The following GALNT2 variants were observed in gnomAD, a reference collection of about 807,000 sequenced individuals.
The protein encoded by GALNT2 is polypeptide N-acetylgalactosaminyltransferase 2.
A neutral mutation model predicts 81.4 loss-of-function variants in GALNT2; 31 were observed. That is an observed-to-expected ratio of 0.38 (90% CI 0.29 to 0.51). The LOEUF is 0.51. Ranked by LOEUF, GALNT2 falls within the 20% of genes least tolerant of loss-of-function variation. The pLI is 0.87. For synonymous variants in GALNT2, 303 were observed against 287.4 expected (o/e 1.05, Z -0.55); for missense variants, 629 against 765.7 (o/e 0.82, Z 2.11).
At chr1:230,278,466 A>G (rs140831564) in intron 15 of GALNT2, among the ~76,000 whole-genome samples, 1 of 152,090 alleles carries the variant, frequency 6.6e-6, no homozygotes, top group East Asian at 1.9e-4. Context: ...AGGGCTCCTC[A>G]GATTTCCTTC....
chr1:230,243,703 A>G lies in GALNT2; in HGVS notation c.729+276A>G, dbSNP rs1445734881. On this transcript the variant is annotated intron_variant, in intron 7 of 15. Coordinates refer to ENST00000366672, the MANE Select transcript of GALNT2 (RefSeq NM_004481.5). The surrounding 1 kb of genome is among the most constrained non-coding windows in gnomAD (Gnocchi z 4.2). ...AGCAGAGGCTGGTGAGAGCCTGATT[A>G]GTTGAAGGCAGCCCTTTTCATGGGA... 1.3e-5 allele frequency among the ~76,000 whole-genome samples: 2 copies of G among 152,222 alleles called. No individual in the cohort carries two copies. The highest frequency in any genetic ancestry group is 4.8e-5 in the African/African-American group (2 of 41,454).
chr1:230,275,758 A>G lies in GALNT2; in HGVS notation c.1560+1194A>G, dbSNP rs62649454. Among the ~76,000 whole-genome samples, 6,468 of 151,516 alleles carry G rather than the reference A, an allele frequency of 0.043. 194 individuals carry two copies. Among genetic ancestry groups the G allele is most frequent in the Middle Eastern group, 0.064 (18 of 282 alleles). ...ATATACAAACACCACATATATATAC[A>G]TATATACATACACCACAGATATATA... is the stretch of plus-strand genomic sequence containing the variant. On this transcript the variant is annotated intron_variant, in intron 15 of 15. Transcript: ENST00000366672. The surrounding 1 kb of genome is among the most constrained non-coding windows in gnomAD (Gnocchi z 5.5).
At chr1:230,217,326 C>T (rs140357154) in intron 3 of GALNT2, among the ~76,000 whole-genome samples, 14 of 152,168 alleles carry the variant, frequency 9.2e-5, no homozygotes, top group South Asian at 2.1e-4. Context: ...AGGGAGTGTG[C>T]GTTTGAATAA....
At chr1:230,107,753 G>A (rs1316279896) in intron 1 of GALNT2, among the ~76,000 whole-genome samples, 2 of 152,120 alleles carry the variant, frequency 1.3e-5, no homozygotes, top group Non-Finnish European at 2.9e-5. Context: ...GGTGGCTTAA[G>A]TGAATAATTA....
chr1:230,279,590 C>CA lies in GALNT2; in HGVS notation c.*135dup, dbSNP rs1666381337. 11 of 1,182,964 alleles carry CA rather than the reference C, an allele frequency of 9.3e-6. No individual in the cohort carries two copies. In the South Asian group the frequency reaches 1.7e-4, roughly 18 times the overall value. The allele number at this position is 1,182,964 out of a possible 1,614,324, so 73.3% of individuals were successfully genotyped here. On this transcript the variant is annotated 3_prime_UTR_variant, in exon 16 of 16. Coordinates refer to ENST00000366672, the MANE Select transcript of GALNT2 (RefSeq NM_004481.5). This position sits in a 1 kb window ranked among gnomAD's most constrained non-coding sequence, Gnocchi z 4.6. ...CAGTATTCCATCATGGTCTGAAAGT[C>CA]AAACTTCGGCAAGGCACGGACGACT...
chr1:230,199,178 A>G (rs1032538566), intron 2 of GALNT2, among the ~76,000 whole-genome samples: 1 of 152,102 alleles, frequency 6.6e-6, no homozygotes, highest in African/African-American at 2.4e-5. Flanking sequence ...TATTTTTAGG[A>G]AGGCAATATA....
chr1:230,136,910 G>A (rs916721800), intron 1 of GALNT2, among the ~76,000 whole-genome samples: 2 of 152,188 alleles, frequency 1.3e-5, no homozygotes, highest in African/African-American at 2.4e-5. Context: ...CAGTTCAGCC[G>A]GGACTCTGCT....
intron 1 of GALNT2, among the ~76,000 whole-genome samples, chr1:230,084,401 A>G (rs1659839379): frequency 1.3e-5 from 2 of 152,128 alleles, no homozygotes. Context: ...TCCTGTGCAG[A>G]GATCCTGGGG....
chr1:230,136,463 G>C (rs1661545048), intron 1 of GALNT2, among the ~76,000 whole-genome samples: 1 of 152,112 alleles, frequency 6.6e-6, no homozygotes, highest in East Asian at 1.9e-4. Context: ...ATTCATTCGT[G>C]AGGCCTGTCT....
At chr1:230,237,238 G>A (rs958831995) in intron 6 of GALNT2, among the ~76,000 whole-genome samples, 1 of 152,318 alleles carries the variant, frequency 6.6e-6, no homozygotes, top group Admixed American at 6.5e-5. Context: ...AGCTCATGAG[G>A]ACTCTTTTAT....
At chr1:230,128,663 C>T (rs2102810218) in intron 1 of GALNT2, among the ~76,000 whole-genome samples, 1 of 152,128 alleles carries the variant, frequency 6.6e-6, no homozygotes, top group South Asian at 2.1e-4. Context: ...TCCTTTTTTC[C>T]CCCAAGCTAG....
chr1:230,275,354 A>T lies in GALNT2; in HGVS notation c.1560+790A>T, dbSNP rs1402790192. 6.6e-6 allele frequency among the ~76,000 whole-genome samples: 1 copy of T among 151,424 alleles called. No homozygotes were observed. The highest frequency in any genetic ancestry group is 2.4e-5 in the African/African-American group (1 of 41,176). On this transcript the variant is annotated intron_variant, in intron 15 of 15. Transcript: ENST00000366672. This position sits in a 1 kb window ranked among gnomAD's most constrained non-coding sequence, Gnocchi z 5.5. ...ACCACATATGTATACATATATATAC[A>T]TGCCACATATACATCTATAAACACC...
At chr1:230,220,995 A>G (rs1337679014) in intron 3 of GALNT2, among the ~76,000 whole-genome samples, 1 of 152,208 alleles carries the variant, frequency 6.6e-6, no homozygotes, top group Non-Finnish European at 1.5e-5. Context: ...TTAAAGAAAA[A>G]GCTTTTTAAA....
chr1:230,088,420 G>GT (rs200381906), intron 1 of GALNT2, among the ~76,000 whole-genome samples: 6,391 of 147,944 alleles, frequency 0.043, 144 homozygotes, highest in South Asian at 0.082. Context: ...GTGTGACAGG[G>GT]TTTTTTTTTT....
intron 1 of GALNT2, among the ~76,000 whole-genome samples, chr1:230,155,171 G>A (rs548732087): frequency 1.3e-5 from 2 of 152,262 alleles, no homozygotes; most frequent in African/African-American, 4.8e-5. Flanking sequence ...TTTCCCTTCT[G>A]TGTGAGAGCG....
intron 1 of GALNT2, among the ~76,000 whole-genome samples, chr1:230,061,230 A>G (rs71654312): frequency 6.2e-5 from 9 of 145,868 alleles, no homozygotes; most frequent in Non-Finnish European, 1.3e-4. Context: ...GTGTGTCTGT[A>G]TGAAATAATG....
intron 1 of GALNT2, among the ~76,000 whole-genome samples, chr1:230,086,942 A>G (rs912971517): frequency 2.0e-5 from 3 of 152,132 alleles, no homozygotes; most frequent in Non-Finnish European, 4.4e-5. Context: ...CTCCTCTACG[A>G]GATGGAGTTT....
At chr1:230,094,309 C>G (rs1660179712) in intron 1 of GALNT2, among the ~76,000 whole-genome samples, 1 of 147,636 alleles carries the variant, frequency 6.8e-6, no homozygotes, top group Admixed American at 6.8e-5. Context: ...CCATGCCTGG[C>G]CTTATTTTTA....
intron 3 of GALNT2, among the ~76,000 whole-genome samples, chr1:230,205,923 G>A (rs1465399789): frequency 1.3e-5 from 2 of 152,172 alleles, no homozygotes; most frequent in East Asian, 3.9e-4. Flanking sequence ...TTGATAACTT[G>A]CCCAGTGATT....
Sources: allele counts gnomAD v4.1 joint callset (sites outside exome capture counted in the v4.1 genomes callset), GRCh38; gene constraint gnomAD v4.1.1; non-coding constraint Gnocchi (gnomAD v3.1); transcripts MANE v1.5; gene names NCBI Gene and HGNC (gene_info 2026-07-23, HGNC 2026-07-21).